The following FILIP1L variants were observed in gnomAD, a reference collection of about 807,000 sequenced individuals.
FILIP1L encodes the protein filamin A interacting protein 1 like.
FILIP1L carries 55 observed loss-of-function variants against 96.6 expected under a neutral mutation model. The ratio of observed to expected loss-of-function variants is 0.57; its 90% confidence interval spans 0.46 to 0.71. FILIP1L has a LOEUF of 0.71. FILIP1L is among the 30% of genes least tolerant of loss of function. The pLI, the probability that FILIP1L is intolerant of heterozygous loss-of-function variation, is 0.00. For missense variants in FILIP1L, 1,304 were observed against 1,321.2 expected (o/e 0.99, Z 0.20); for synonymous variants, 467 against 473.9 (o/e 0.99, Z 0.19).
intron 1 of FILIP1L, among the ~76,000 whole-genome samples, chr3:99,983,416 A>ATATATATATATATATATG (rs1553702725): frequency 1.0e-5 from 1 of 96,954 alleles, no homozygotes; most frequent in African/African-American, 4.3e-5. Context: ...ATATATATAT[A>ATATATATATATATATATG]TATGTATGTA....
chr3:99,965,681 T>C (rs1165592135), intron 1 of FILIP1L, among the ~76,000 whole-genome samples: 1 of 152,190 alleles, frequency 6.6e-6, no homozygotes, highest in Non-Finnish European at 1.5e-5. Flanking sequence ...ATGATAAATA[T>C]CTGAGCCCCC....
chr3:99,950,424 C>T (rs1196107878), intron 1 of FILIP1L, among the ~76,000 whole-genome samples: 6 of 152,188 alleles, frequency 3.9e-5, no homozygotes, highest in Admixed American at 2.0e-4. Context: ...TTGCCCAAAG[C>T]CACAAAGTTA....
chr3:99,964,886 A>G (rs1057442869), intron 1 of FILIP1L, among the ~76,000 whole-genome samples: 7 of 152,178 alleles, frequency 4.6e-5, no homozygotes, highest in Non-Finnish European at 1.0e-4. Flanking sequence ...GATCACTTGA[A>G]CATCAGTCCC....
intron 1 of FILIP1L, among the ~76,000 whole-genome samples, chr3:99,974,118 TG>T (rs1708900053): frequency 6.6e-6 from 1 of 152,212 alleles, no homozygotes; most frequent in Non-Finnish European, 1.5e-5. Context: ...TCTTTTAATT[TG>T]AAAGTTAAAC....
chr3:100,081,032 G>A (rs919298309), intron 1 of FILIP1L, among the ~76,000 whole-genome samples: 3 of 152,184 alleles, frequency 2.0e-5, no homozygotes, highest in African/African-American at 7.2e-5. Flanking sequence ...AGCATCTTGT[G>A]TAATGAAGGT....
chr3:99,943,771 C>G (rs1707922948), intron 1 of FILIP1L, among the ~76,000 whole-genome samples: 1 of 152,126 alleles, frequency 6.6e-6, no homozygotes, highest in Non-Finnish European at 1.5e-5. Context: ...CAAATATAAG[C>G]AAAGCAGTAA....
At chr3:99,957,241 T>G (rs745976021) in intron 1 of FILIP1L, among the ~76,000 whole-genome samples, 9 of 152,204 alleles carry the variant, frequency 5.9e-5, no homozygotes, top group Non-Finnish European at 8.8e-5. Context: ...GCATGGAAAG[T>G]AGTAACAGCA....
chr3:100,047,415 T>C (rs755111031), intron 1 of FILIP1L, among the ~76,000 whole-genome samples: 1 of 152,230 alleles, frequency 6.6e-6, no homozygotes, highest in Non-Finnish European at 1.5e-5. Flanking sequence ...TGGAAAGCTT[T>C]TATGACTTAA....
chr3:99,920,371 G>A (rs1707087704), intron 4 of FILIP1L, among the ~76,000 whole-genome samples: 1 of 152,066 alleles, frequency 6.6e-6, no homozygotes, highest in African/African-American at 2.4e-5. Flanking sequence ...GGAAAATTTT[G>A]CAAAATTACA....
chr3:99,919,951 GGAACAAGA>G (rs1317103263), intron 4 of FILIP1L, among the ~76,000 whole-genome samples: 2 of 152,170 alleles, frequency 1.3e-5, no homozygotes, highest in African/African-American at 4.8e-5. Flanking sequence ...GGACAGAAAA[GGAACAAGA>G]GATTAATTCT....
At chr3:99,837,440 A>G (rs1370468897) in intron 5 of FILIP1L, among the ~76,000 whole-genome samples, 1 of 131,716 alleles carries the variant, frequency 7.6e-6, no homozygotes, top group Non-Finnish European at 1.7e-5. Context: ...GAGAAGAGAG[A>G]AAAAAAAAAA....
At chr3:99,937,608 C>T (rs1411081438) in intron 1 of FILIP1L, among the ~76,000 whole-genome samples, 1 of 152,126 alleles carries the variant, frequency 6.6e-6, no homozygotes, top group Admixed American at 6.5e-5. Flanking sequence ...GTTTATTATT[C>T]ATATTTGGTT....
chr3:100,061,315 T>C (rs142693727), intron 1 of FILIP1L, among the ~76,000 whole-genome samples: 341 of 152,342 alleles, frequency 2.2e-3, no homozygotes, highest in Middle Eastern at 0.01. Flanking sequence ...TGAGTCCAAG[T>C]TGGGGCCAAG....
At chr3:99,842,951 G>A (rs913137378) in intron 5 of FILIP1L, among the ~76,000 whole-genome samples, 1 of 152,156 alleles carries the variant, frequency 6.6e-6, no homozygotes, top group Non-Finnish European at 1.5e-5. Context: ...TGGCTGCTCT[G>A]ATATATTGAC....
intron 1 of FILIP1L, among the ~76,000 whole-genome samples, chr3:100,006,593 C>A (rs1345441247): frequency 6.6e-6 from 1 of 151,064 alleles, no homozygotes; most frequent in African/African-American, 2.4e-5. Context: ...TTGTTTAGTA[C>A]TGTTAAAACT....
intron 1 of FILIP1L, among the ~76,000 whole-genome samples, chr3:99,971,209 A>G (rs1249970960): frequency 6.6e-6 from 1 of 152,106 alleles, no homozygotes; most frequent in Admixed American, 6.5e-5. Flanking sequence ...GCCTGGTGGC[A>G]GATGCCTGTA....
chr3:99,911,225 A>G lies in FILIP1L; in HGVS notation c.605+13005T>C, dbSNP rs182343867. Among the ~76,000 whole-genome samples the G allele has an allele frequency of 6.4e-4, 98 of 151,986 alleles. 1 individual carries two copies. The highest frequency in any genetic ancestry group is 1.2e-3 in the South Asian group (6 of 4,818). ...TTTGGCTGTAAAGTAAGTTTTTATC[A>G]GGAAGTTGTACAATAATGGATAATG... On this transcript the variant is annotated intron_variant, in intron 4 of 5. Transcript: ENST00000477258.
chr3:99,842,913 C>T (rs1943198729), intron 5 of FILIP1L, among the ~76,000 whole-genome samples: 1 of 152,182 alleles, frequency 6.6e-6, no homozygotes, highest in Admixed American at 6.5e-5. Context: ...CTCAAGATTC[C>T]TTACCCTACA....
intron 1 of FILIP1L, among the ~76,000 whole-genome samples, chr3:99,956,986 G>A (rs1007925853): frequency 2.6e-5 from 4 of 152,108 alleles, no homozygotes; most frequent in Non-Finnish European, 5.9e-5. Flanking sequence ...TCTGTCCAGG[G>A]CTCTAGCTGG....
Sources: allele counts gnomAD v4.1 joint callset (sites outside exome capture counted in the v4.1 genomes callset), GRCh38; gene constraint gnomAD v4.1.1; transcripts MANE v1.5; gene names NCBI Gene and HGNC (gene_info 2026-07-23, HGNC 2026-07-21).